The following METTL27 variants were observed in gnomAD, a reference collection of about 807,000 sequenced individuals.
METTL27 encodes methyltransferase-like protein 27.
In METTL27, 29 loss-of-function variants were observed where a neutral mutation model predicts 24.5. The ratio of observed to expected loss-of-function variants is 1.18; its 90% CI spans 0.88 to 1.61. The LOEUF (loss-of-function observed/expected upper bound fraction) is 1.61, where lower values mean the gene tolerates loss of function less well. METTL27 is among the 40% of genes most tolerant of loss of function. The probability of loss-of-function intolerance (pLI) is 0.00; values close to 1 mark genes in which losing one functional copy is unlikely to be tolerated. For missense variants in METTL27, 341 were observed against 324.3 expected (o/e 1.05, Z -0.40); for synonymous variants, 138 against 146.8 (o/e 0.94, Z 0.43).
Position 73,840,410 on chromosome 7 carries a change from G to A in METTL27, c.388+4C>T, listed in dbSNP as rs782383889. 2 of 1,569,454 alleles carry A rather than the reference G, an allele frequency of 1.3e-6. No individual in the cohort carries two copies. The highest frequency in any genetic ancestry group is 8.6e-7 in the Non-Finnish European group (1 of 1,157,616). On this transcript the variant is annotated splice_donor_region_variant and intron_variant, in intron 4 of 5. Coordinates refer to ENST00000297873, the MANE Select transcript of METTL27 (RefSeq NM_152559.3). The stretch of plus-strand genomic sequence containing the variant: ...TCGGGGTGTGGAGGTGGGAGAGAAA[G>A]TACCTTCCGGGCTGGGCAGAGGCTC...
At chr7:73,837,345 AAAATAAATAAATAAAT>A (rs150487757) in intron 5 of METTL27, among the ~76,000 whole-genome samples, 7 of 144,278 alleles carry the variant, frequency 4.9e-5, no homozygotes, top group African/African-American at 1.6e-4. Flanking sequence ...CAATCAATTA[AAAATAAATAAATAAAT>A]AAATAAATAA....
chr7:73,837,381 TAAA>T (rs1156350591), intron 5 of METTL27, among the ~76,000 whole-genome samples: 2 of 126,876 alleles, frequency 1.6e-5, no homozygotes, highest in Non-Finnish European at 3.3e-5. Flanking sequence ...AATAAATAAA[TAAA>T]AGATTGGGGA....
intron 4 of METTL27, 76 bp from the exon 5 acceptor site, chr7:73,840,196 C>T: frequency 1.3e-6 from 2 of 1,524,268 alleles, no homozygotes; most frequent in Non-Finnish European, 1.8e-6. Context: ...GGCCTCAGAC[C>T]ACCCTAGGGG....
At chr7:73,839,791 G>C (rs1554635938) in intron 5 of METTL27, 1 of 470,678 alleles carries the variant, frequency 2.1e-6, no homozygotes, top group African/African-American at 2.0e-5. Flanking sequence ...AGGCTGCAGA[G>C]GAGGGTGGAG....
At chr7:73,837,112 C>A (rs1433136380) in intron 5 of METTL27, among the ~76,000 whole-genome samples, 2 of 143,882 alleles carry the variant, frequency 1.4e-5, no homozygotes, top group African/African-American at 5.1e-5. Context: ...ATCACCACTC[C>A]CTAATCTCAA....
intron 5 of METTL27, among the ~76,000 whole-genome samples, chr7:73,838,758 T>C (rs1234666963): frequency 6.6e-6 from 1 of 152,222 alleles, no homozygotes; most frequent in East Asian, 1.9e-4. Context: ...CCTGCATTTG[T>C]CAGCCTTCAG....
chr7:73,840,597 C>T, intron 3 of METTL27, 48 bp from the exon 4 acceptor site: 1 of 1,527,506 alleles, frequency 6.5e-7, no homozygotes, highest in Non-Finnish European at 8.8e-7. Context: ...CTGCCACTTC[C>T]CGGCTGGGTC....
At position 73,836,873 on chromosome 7, in the gene METTL27, G is replaced by A. The variant is rs1237076368; in HGVS notation, c.479-1871C>T. ...AAGGTGGGGAAAAGATTGAGAAATC[G>A]GATGGTTGCCGTGTCTGTGTAGAAA... On this transcript the variant is annotated intron_variant, in intron 5 of 5. Coordinates refer to ENST00000297873, the MANE Select transcript of METTL27 (RefSeq NM_152559.3). Among the ~76,000 whole-genome samples, 34 of 105,804 alleles carry A rather than the reference G, an allele frequency of 3.2e-4. 1 individual carries two copies. The highest frequency in any genetic ancestry group is 6.1e-4 in the Non-Finnish European group (29 of 47,392). The allele number at this position is 105,804 out of a possible 152,430, so 69.4% of individuals were successfully genotyped here.
chr7:73,840,135 G>C lies in METTL27; in HGVS notation c.389-15C>G, dbSNP rs559332203. On this transcript the variant is annotated splice_polypyrimidine_tract_variant and intron_variant, in intron 4 of 5. Coordinates refer to ENST00000297873, the MANE Select transcript of METTL27 (RefSeq NM_152559.3). ...GTCGAAGGTCCCTGTGTGTGTGTGG[G>C]GGGGGGTGGGGACATGGTGTGATGC... 105 of 1,482,274 alleles carry C rather than the reference G, an allele frequency of 7.1e-5. No individual in the cohort carries two copies. Among genetic ancestry groups the C allele is most frequent in the African/African-American group, 1.1e-4 (8 of 70,714 alleles). The allele number at this position is 1,482,274 out of a possible 1,614,324, so 91.8% of individuals were successfully genotyped here.
At chr7:73,838,835 C>T (rs976480728) in intron 5 of METTL27, among the ~76,000 whole-genome samples, 5 of 78,894 alleles carry the variant, frequency 6.3e-5, no homozygotes, top group East Asian at 3.4e-4. Flanking sequence ...CTGGCAGAGA[C>T]GGGAGGGAGA....
At chr7:73,835,114 G>C (rs1278727760) in intron 5 of METTL27, 112 bp from the exon 6 acceptor site, 1 of 1,422,650 alleles carries the variant, frequency 7.0e-7, no homozygotes, top group Admixed American at 2.7e-5. Flanking sequence ...AAAAGATTGG[G>C]GACGCTCTCT....
At chr7:73,842,217 C>A (rs1234601895) in intron 1 of METTL27, 73 bp from the exon 2 acceptor site, 18 of 1,531,352 alleles carry the variant, frequency 1.2e-5, no homozygotes, top group Non-Finnish European at 1.4e-5. Flanking sequence ...CTTCCCTCCT[C>A]CCCCTTCAGA....
chr7:73,842,409 C>T (rs1554636675), intron 1 of METTL27, 81 bp downstream of exon 1: 2 of 443,338 alleles, frequency 4.5e-6, no homozygotes, highest in African/African-American at 4.1e-5. Flanking sequence ...TCCTCTTTTC[C>T]GCCCTCCGAC....
intron 5 of METTL27, 44 bp from the exon 6 acceptor site, chr7:73,835,046 C>T: frequency 6.4e-7 from 1 of 1,554,340 alleles, no homozygotes; most frequent in Non-Finnish European, 8.7e-7. Flanking sequence ...GCAGGAGCCA[C>T]AGTCCTGGGC....
intron 5 of METTL27, among the ~76,000 whole-genome samples, chr7:73,836,006 C>A (rs1461746545): frequency 9.7e-6 from 1 of 103,426 alleles, no homozygotes; most frequent in Admixed American, 9.5e-5. Context: ...GTGAGGAGCC[C>A]CTCCGCCCGG....
chr7:73,840,127 GTGT>G lies in METTL27; in HGVS notation c.389-10_389-8del, dbSNP rs1584340047. ...AGCACCGCGTCGAAGGTCCCTGTGT[GTGT>G]GTGGGGGGGGGTGGGGACATGGTGT... On this transcript the variant is annotated splice_polypyrimidine_tract_variant and splice_region_variant and intron_variant, in intron 4 of 5. Transcript: ENST00000297873. 3.9e-6 allele frequency: 6 copies of G among 1,527,868 alleles called. No individual in the cohort carries two copies. The highest frequency in any genetic ancestry group is 1.2e-5 in the South Asian group (1 of 83,020). The allele number at this position is 1,527,868 out of a possible 1,614,324, so 94.6% of individuals were successfully genotyped here.
In METTL27 at chr7:73,841,086, C is replaced by T. The variant is rs782804397; in HGVS notation, c.236G>A (p.Gly79Asp). The T allele has an allele frequency of 6.6e-7, 1 of 1,510,032 alleles. No homozygotes were observed. Among genetic ancestry groups the T allele is most frequent in the Non-Finnish European group, 8.8e-7 (1 of 1,138,816 alleles). 93.5% of individuals were successfully genotyped at this position (1,510,032 alleles called of 1,614,324 possible). ...ALILDVACGT[G>D]LVAAELRAPG... ...GAGCCTCACCTCGGCAGCCACTAGGCCTGTGCCACAGGCCACGTCCAGGAT... is the reference window on the plus strand; with the variant it reads ...GAGCCTCACCTCGGCAGCCACTAGGTCTGTGCCACAGGCCACGTCCAGGAT... The change falls in exon 3 of 6, where the codon GGC becomes GAC. Residue 79 changes from glycine to aspartate, a missense_variant. Physicochemically the swap from Gly to Asp is moderately conservative, Grantham distance 94. Coordinates refer to ENST00000297873, the MANE Select transcript of METTL27 (RefSeq NM_152559.3).
chr7:73,836,003 G>A (rs1788172720), intron 5 of METTL27, among the ~76,000 whole-genome samples: 1 of 105,360 alleles, frequency 9.5e-6, no homozygotes, highest in Non-Finnish European at 2.1e-5. Flanking sequence ...GAAGTGAGGA[G>A]CCCCTCCGCC....
At chr7:73,836,982 C>A (rs529674360) in intron 5 of METTL27, among the ~76,000 whole-genome samples, 2 of 144,430 alleles carry the variant, frequency 1.4e-5, no homozygotes, top group African/African-American at 5.2e-5. Context: ...TATGACCTTA[C>A]CCCCAACCCT....
Sources: gnomAD v4.1 joint callset for allele counts (sites outside exome capture counted in the v4.1 genomes callset) on GRCh38, gnomAD v4.1.1 for gene constraint, MANE v1.5 for transcripts, NCBI Gene and HGNC (gene_info 2026-07-23, HGNC 2026-07-21) for gene names.